Variants in PARD3 observed in about 807,000 individuals in gnomAD.
PARD3 encodes par-3 family cell polarity regulator, also known as partitioning defective 3 homolog.
PARD3 carries 75 observed loss-of-function variants against 155.4 expected under a neutral mutation model. That is an observed-to-expected ratio of 0.48 (90% CI 0.40 to 0.58). PARD3 has a LOEUF of 0.58. Ranked by LOEUF, PARD3 falls within the 20% of genes least tolerant of loss-of-function variation. The pLI, the probability that PARD3 is intolerant of heterozygous loss-of-function variation, is 0.00. For synonymous variants in PARD3, 576 were observed against 610.5 expected, an observed-to-expected ratio of 0.94 and a Z score of 0.83; for missense variants, 1,642 against 1,721.7, an observed-to-expected ratio of 0.95 and a Z score of 0.82.
At chr10:34,279,141 CTTTTT>C (rs143467605) in intron 21 of PARD3, among the ~76,000 whole-genome samples, 11 of 102,050 alleles carry the variant, frequency 1.1e-4, no homozygotes, top group Admixed American at 6.2e-4. Flanking sequence ...ATATTTTTTC[CTTTTT>C]TTTTTTTTTT....
intron 7 of PARD3, among the ~76,000 whole-genome samples, chr10:34,388,192 A>C (rs1206892820): frequency 6.6e-6 from 1 of 152,196 alleles, no homozygotes; most frequent in Non-Finnish European, 1.5e-5. Context: ...ATTAAGGTGA[A>C]GTTAGTAGCC....
At chr10:34,559,524 C>A (rs751817197) in intron 2 of PARD3, among the ~76,000 whole-genome samples, 38 of 151,572 alleles carry the variant, frequency 2.5e-4, no homozygotes, top group Non-Finnish European at 4.9e-4. Context: ...AACCTAAACA[C>A]TGAGATGTGA....
intron 22 of PARD3, among the ~76,000 whole-genome samples, chr10:34,247,316 A>C: frequency 6.6e-6 from 1 of 152,198 alleles, no homozygotes; most frequent in South Asian, 2.1e-4. Flanking sequence ...AGCCTGGCCA[A>C]CATGGTGAAA....
chr10:34,805,942 A>G (rs983574388), intron 1 of PARD3, among the ~76,000 whole-genome samples: 3 of 151,764 alleles, frequency 2.0e-5, no homozygotes, highest in Admixed American at 1.3e-4. Context: ...ACGTCACTGC[A>G]CTCCAGCCTG....
At chr10:34,161,871 G>A (rs1430678798) in intron 22 of PARD3, among the ~76,000 whole-genome samples, 2 of 152,168 alleles carry the variant, frequency 1.3e-5, no homozygotes, top group Non-Finnish European at 2.9e-5. Context: ...ATTAAAGCCT[G>A]CACTGCTCGA....
intron 2 of PARD3, among the ~76,000 whole-genome samples, chr10:34,602,301 ATATT>A (rs1439033559): frequency 1.3e-5 from 2 of 152,128 alleles, no homozygotes; most frequent in African/African-American, 2.4e-5. Flanking sequence ...TTCCTTCTTA[ATATT>A]TATTTTTAAC....
intron 18 of PARD3, among the ~76,000 whole-genome samples, chr10:34,334,164 G>A (rs1158660254): frequency 4.6e-5 from 7 of 151,482 alleles, no homozygotes; most frequent in Non-Finnish European, 3.0e-5. Context: ...CTTCAAGAAT[G>A]AAACCATTAG....
chr10:34,273,461 A>C (rs1268237999), intron 21 of PARD3, among the ~76,000 whole-genome samples: 2 of 152,210 alleles, frequency 1.3e-5, no homozygotes, highest in African/African-American at 2.4e-5. Context: ...GTTGGTGAAC[A>C]GGTTAGTGAT....
At chr10:34,232,313 G>T (rs771918490) in intron 22 of PARD3, among the ~76,000 whole-genome samples, 3 of 152,066 alleles carry the variant, frequency 2.0e-5, no homozygotes, top group Non-Finnish European at 4.4e-5. Flanking sequence ...GACTGGACCT[G>T]GATATGACAG....
intron 2 of PARD3, among the ~76,000 whole-genome samples, chr10:34,648,440 T>C (rs2092910240): frequency 6.6e-6 from 1 of 152,196 alleles, no homozygotes; most frequent in Admixed American, 6.5e-5. Flanking sequence ...TCTAAACCAG[T>C]GGCCCCCAAC....
chr10:34,344,800 A>C, intron 15 of PARD3: 1 of 985,422 alleles, frequency 1.0e-6, no homozygotes, highest in South Asian at 4.7e-5. Flanking sequence ...CCCCAACAAA[A>C]GCTAAGGAAA....
intron 19 of PARD3, among the ~76,000 whole-genome samples, chr10:34,323,787 G>A (rs1208022487): frequency 6.6e-6 from 1 of 152,206 alleles, no homozygotes; most frequent in East Asian, 1.9e-4. Flanking sequence ...ATGTTGCAGA[G>A]CAGGCACAAT....
intron 2 of PARD3, among the ~76,000 whole-genome samples, chr10:34,554,844 T>C (rs189565703): frequency 1.4e-4 from 22 of 152,316 alleles, no homozygotes; most frequent in African/African-American, 5.3e-4. Context: ...GCCAAAGGCA[T>C]TCATTCATGA....
At chr10:34,388,721 G>A (rs1842589543) in intron 7 of PARD3, among the ~76,000 whole-genome samples, 1 of 152,140 alleles carries the variant, frequency 6.6e-6, no homozygotes, top group Non-Finnish European at 1.5e-5. Flanking sequence ...TTCCTTCTTG[G>A]CAGCTAATAC....
In PARD3 at chr10:34,733,069, ATAAAG is replaced by A. The variant is rs1383011501; in HGVS notation, c.121-36655_121-36651del. ...CTACAGGAAACAAGGTGATATCAAA[ATAAAG>A]GGGTCTGGGACAAGGAAACAAGAAG... On this transcript the variant is annotated intron_variant, in intron 1 of 24. Transcript: ENST00000374788. 2.0e-5 allele frequency among the ~76,000 whole-genome samples: 3 copies of A among 152,292 alleles called. No homozygotes were observed. The East Asian group carries it at 5.8e-4, about 29-fold the overall frequency.
chr10:34,725,153 C>CTGTGTGTG (rs2094684170), intron 1 of PARD3, among the ~76,000 whole-genome samples: 186 of 127,534 alleles, frequency 1.5e-3, no homozygotes, highest in African/African-American at 5.5e-3. Context: ...GTGTGTGTGA[C>CTGTGTGTG]AGAGAGAGAG....
chr10:34,664,492 C>T (rs2093402852), intron 2 of PARD3, among the ~76,000 whole-genome samples: 2 of 151,470 alleles, frequency 1.3e-5, no homozygotes, highest in Non-Finnish European at 2.9e-5. Flanking sequence ...TAAGCCACTG[C>T]ACCTGGCCTT....
chr10:34,185,806 A>T (rs946682728), intron 22 of PARD3, among the ~76,000 whole-genome samples: 2 of 125,282 alleles, frequency 1.6e-5, no homozygotes, highest in Admixed American at 1.8e-4. Context: ...ACACAGTAAC[A>T]TCTTCTATAT....
intron 1 of PARD3, among the ~76,000 whole-genome samples, chr10:34,763,582 T>C (rs1399987885): frequency 1.3e-5 from 2 of 152,118 alleles, no homozygotes; most frequent in Admixed American, 6.5e-5. Flanking sequence ...CATGAACTTA[T>C]CAGCTTTAAG....
Sources: gnomAD v4.1 joint callset for allele counts (sites outside exome capture counted in the v4.1 genomes callset) on GRCh38, gnomAD v4.1.1 for gene constraint, MANE v1.5 for transcripts, NCBI Gene and HGNC (gene_info 2026-07-23, HGNC 2026-07-21) for gene names.